Variants in ERCC4 observed in about 807,000 individuals in gnomAD.
ERCC4 encodes ERCC excision repair 4, endonuclease catalytic subunit, also known as DNA repair endonuclease XPF.
In ERCC4, 65 loss-of-function variants were observed where a neutral mutation model predicts 76.9. The ratio of observed to expected loss-of-function variants is 0.84; its 90% CI spans 0.69 to 1.04. The LOEUF (loss-of-function observed/expected upper bound fraction) is 1.04. Among genes scored for constraint, ERCC4 ranks in the 50% least tolerant of loss-of-function variants. The pLI is 0.00. For synonymous variants in ERCC4, 463 were observed against 410.1 expected (o/e 1.13, Z -1.56); for missense variants, 1,214 against 1,128.2 (o/e 1.08, Z -1.09).
rs1023224019 is a variant in ERCC4, at chr16:13,948,400, C to G, written c.*53C>G. ...GCCTGTACTTTTCAGCGGCTCCTTG[C>G]CAGACATCATAGGTCATTATTAATT... On this transcript the variant is annotated 3_prime_UTR_variant, in exon 11 of 11. Transcript: ENST00000311895. The G allele has an allele frequency of 3.2e-6, 5 of 1,576,090 alleles. No individual in the cohort carries two copies. The highest frequency in any genetic ancestry group is 1.3e-5 in the African/African-American group (1 of 74,308).
intron 9 of ERCC4, chr16:13,943,938 AT>A (rs2032466430): frequency 6.6e-6 from 1 of 152,172 alleles, no homozygotes; most frequent in Non-Finnish European, 1.5e-5. Context: ...GTAGTTCCAA[AT>A]TGCGAATCTT....
At position 13,944,830 on chromosome 16, in the gene ERCC4, A is replaced by G. The variant is rs201675333; in HGVS notation, c.2012A>G (p.Lys671Arg). The G allele has an allele frequency of 1.9e-6, 3 of 1,605,914 alleles. No homozygotes were observed. The highest frequency in any genetic ancestry group is 2.6e-6 in the Non-Finnish European group (3 of 1,172,578). Residue 671 changes from lysine to arginine, a missense_variant, in exon 10 of 11, where the codon AAA becomes AGA. Physicochemically the swap from Lys to Arg is conservative, Grantham distance 26 (BLOSUM62 2). Transcript: ENST00000311895. ...GCAGATGTTTCCACTGACACTCGGA[A>G]AGCCGGTGAGTCCTGCACTTTGTCA... Reference protein sequence around the residue: ...ASADVSTDTRKAGGQEQNGTQ... With the variant: ...ASADVSTDTRRAGGQEQNGTQ...
chr16:13,931,329 C>T (rs550196373), intron 5 of ERCC4: 28 of 178,178 alleles, frequency 1.6e-4, no homozygotes, highest in Non-Finnish European at 2.0e-4. Context: ...GCCACCATCT[C>T]GTTTGGCTAC....
At chr16:13,933,045 CAAA>C (rs11337706) in intron 6 of ERCC4, 4,985 of 213,874 alleles carry the variant, frequency 0.023, no homozygotes, top group South Asian at 0.032. Flanking sequence ...GACTCGGTCT[CAAA>C]AAAAAAAAAA....
chr16:13,925,917 G>A (rs997152980), intron 2 of ERCC4, among the ~76,000 whole-genome samples: 1 of 152,008 alleles, frequency 6.6e-6, no homozygotes, highest in Non-Finnish European at 1.5e-5. Flanking sequence ...TTTTTGAGAT[G>A]CTGAGGTGTT....
At chr16:13,936,870 T>C (rs934207598) in intron 8 of ERCC4, among the ~76,000 whole-genome samples, 3 of 150,210 alleles carry the variant, frequency 2.0e-5, no homozygotes, top group Non-Finnish European at 4.4e-5. Flanking sequence ...TCAGCTCTCT[T>C]AGCAACAAAC....
intron 5 of ERCC4, 77 bp downstream of exon 5, chr16:13,930,967 G>A (rs777207000): frequency 2.0e-5 from 19 of 964,168 alleles, no homozygotes; most frequent in Non-Finnish European, 3.0e-5. Flanking sequence ...AATCAGGTGT[G>A]AAAAGTGCTA....
chr16:13,948,154 TA>T lies in ERCC4; in HGVS notation c.2563del (p.Met855CysfsTer4). 6.2e-7 allele frequency: 1 copy of T among 1,614,138 alleles called. No homozygotes were observed. The highest frequency in any genetic ancestry group is 8.5e-7 in the Non-Finnish European group (1 of 1,180,028). Reference sequence around the variant, plus strand: ...AATCCTGGTCCCCAAGACTTCTTGTTAAAAATGCCAGGGGTGAATGCCAAAA... The same window carrying T: ...AATCCTGGTCCCCAAGACTTCTTGTTAAAATGCCAGGGGTGAATGCCAAAA... Reference protein sequence around the residue: ...KYNPGPQDFLLKMPGVNAKNC... With the variant: ...KYNPGPQDFLXKMPGVNAKNC... On this transcript the variant is annotated frameshift_variant, in exon 11 of 11. Coordinates refer to ENST00000311895, the MANE Select transcript of ERCC4 (RefSeq NM_005236.3). LOFTEE classifies it low-confidence loss of function (END_TRUNC).
intron 10 of ERCC4, among the ~76,000 whole-genome samples, chr16:13,947,154 C>T (rs1409465169): frequency 6.6e-6 from 1 of 152,176 alleles, no homozygotes; most frequent in East Asian, 1.9e-4. Context: ...TTCCCAGCTC[C>T]TTCCCTTTCC....
At chr16:13,927,720 C>G (rs552214242) in intron 3 of ERCC4, 68 of 362,750 alleles carry the variant, frequency 1.9e-4, no homozygotes, top group Non-Finnish European at 3.2e-4. Context: ...CTGTTATTGC[C>G]CAAAAACAAG....
At chr16:13,944,675 G>C in intron 9 of ERCC4, 48 bp from the exon 10 acceptor site, 1 of 1,250,556 alleles carries the variant, frequency 8.0e-7, no homozygotes, top group Non-Finnish European at 1.2e-6. Context: ...ATAAAATCTA[G>C]AATTTTGAAA....
chr16:13,932,064 AGCCAGTTAC>A, intron 5 of ERCC4, 84 bp from the exon 6 acceptor site: 1 of 1,060,588 alleles, frequency 9.4e-7, no homozygotes, highest in South Asian at 1.3e-5. Context: ...ACAGGATGAC[AGCCAGTTAC>A]GTATGTAGGT....
At chr16:13,941,055 T>C (rs2032403719) in intron 9 of ERCC4, among the ~76,000 whole-genome samples, 1 of 152,186 alleles carries the variant, frequency 6.6e-6, no homozygotes, top group African/African-American at 2.4e-5. Context: ...AGTAGTAAGG[T>C]ACCAGATCCC....
intron 2 of ERCC4, among the ~76,000 whole-genome samples, chr16:13,922,885 A>C (rs1282158065): frequency 6.6e-6 from 1 of 152,204 alleles, no homozygotes; most frequent in Non-Finnish European, 1.5e-5. Context: ...TGTTAGATTA[A>C]CTTTTCATTG....
At chr16:13,934,863 T>C (rs1451604886) in intron 7 of ERCC4, 2 of 336,960 alleles carry the variant, frequency 5.9e-6, no homozygotes, top group Non-Finnish European at 1.1e-5. Flanking sequence ...GAAAAAAATA[T>C]TAATTAAAAA....
intron 10 of ERCC4, among the ~76,000 whole-genome samples, chr16:13,945,713 A>T (rs1009385856): frequency 2.0e-5 from 3 of 152,184 alleles, no homozygotes; most frequent in African/African-American, 7.2e-5. Context: ...TTTGGGAAAC[A>T]TTGCCTCAGA....
At chr16:13,921,946 G>C in intron 1 of ERCC4, 85 bp from the exon 2 acceptor site, 1 of 834,698 alleles carries the variant, frequency 1.2e-6, no homozygotes, top group East Asian at 2.6e-5. Context: ...CTCAGAGAAA[G>C]ACAGCACATT....
At chr16:13,929,534 A>T (rs2032132661) in intron 4 of ERCC4, among the ~76,000 whole-genome samples, 1 of 152,256 alleles carries the variant, frequency 6.6e-6, no homozygotes, top group South Asian at 2.1e-4. Context: ...TCTGATTAAA[A>T]ATCAGATAAT....
chr16:13,934,301 A>C lies in ERCC4; in HGVS notation c.1212A>C (p.Pro404=). 2 of 1,598,110 alleles carry C rather than the reference A, an allele frequency of 1.3e-6. No individual in the cohort carries two copies. The highest frequency in any genetic ancestry group is 1.7e-6 in the Non-Finnish European group (2 of 1,165,706). The change falls in exon 7 of 11, where the codon CCA becomes CCC. Residue 404 remains proline (P), a splice_region_variant and synonymous_variant. Transcript: ENST00000311895. The part of the protein sequence containing the change: ...ENKESEALGG[P]GQVLICASDD... Reference sequence around the variant, plus strand: ...AGGAGAGTGAAGCTCTTGGTGGTCCAGGTAGGAAAAAAGGAGATGAAAACA... The same window carrying C: ...AGGAGAGTGAAGCTCTTGGTGGTCCCGGTAGGAAAAAAGGAGATGAAAACA...
Sources: allele counts gnomAD v4.1 joint callset (sites outside exome capture counted in the v4.1 genomes callset), GRCh38; gene constraint gnomAD v4.1.1; transcripts MANE v1.5; gene names NCBI Gene and HGNC (gene_info 2026-07-23, HGNC 2026-07-21).